The following RUNDC3B variants were observed in gnomAD, a reference collection of about 807,000 sequenced individuals.
The protein encoded by RUNDC3B is RUN domain-containing protein 3B.
Under a neutral mutation model 58.4 loss-of-function variants are expected in RUNDC3B, and 33 were observed. The observed-to-expected ratio is 0.56, with a 90% confidence interval of 0.43 to 0.75. The LOEUF (loss-of-function observed/expected upper bound fraction) is 0.75. Ranked by LOEUF, RUNDC3B falls within the 30% of genes least tolerant of loss-of-function variation. The probability of loss-of-function intolerance (pLI) is 0.00; values close to 1 mark genes in which losing one functional copy is unlikely to be tolerated. For synonymous variants in RUNDC3B, 193 were observed against 195.2 expected (o/e 0.99, Z 0.10); for missense variants, 501 against 535.7 (o/e 0.94, Z 0.64).
At position 87,830,470 on chromosome 7, in the gene RUNDC3B, T is replaced by C. The variant is rs1838074054; in HGVS notation, c.*440T>C. 1 of 152,126 alleles carries C rather than the reference T, an allele frequency of 6.6e-6. No homozygotes were observed. The highest frequency in any genetic ancestry group is 6.6e-5 in the Admixed American group (1 of 15,196). The allele number at this position is 152,126 out of a possible 1,614,324, so 9.4% of individuals were successfully genotyped here. ...AAAAAAAAAAAAAAAGTTAATTTCA[T>C]TTTTTCATTAATGTCTTCCTAAGTT... On this transcript the variant is annotated 3_prime_UTR_variant, in exon 11 of 11. Transcript: ENST00000394654.
intron 1 of RUNDC3B, among the ~76,000 whole-genome samples, chr7:87,649,026 G>C (rs1389736725): frequency 6.6e-6 from 1 of 151,770 alleles, no homozygotes. Flanking sequence ...AAAAAAGCTT[G>C]TACTCTTTTA....
At chr7:87,795,350 A>G (rs1220587724) in intron 8 of RUNDC3B, among the ~76,000 whole-genome samples, 1 of 152,202 alleles carries the variant, frequency 6.6e-6, no homozygotes, top group Non-Finnish European at 1.5e-5. Context: ...AAGAAGACAA[A>G]CAAATGGCAA....
intron 9 of RUNDC3B, among the ~76,000 whole-genome samples, chr7:87,815,221 G>A (rs1836964226): frequency 6.6e-6 from 1 of 151,994 alleles, no homozygotes; most frequent in Admixed American, 6.5e-5. Flanking sequence ...TGTGACTAGA[G>A]ATAACTGTGA....
intron 1 of RUNDC3B, among the ~76,000 whole-genome samples, chr7:87,630,197 A>G (rs1821073314): frequency 6.6e-6 from 1 of 152,116 alleles, no homozygotes; most frequent in Non-Finnish European, 1.5e-5. Context: ...TTTTTCCGTT[A>G]TTTTTCTTGT....
chr7:87,702,257 G>A lies in RUNDC3B; in HGVS notation c.372+1703G>A, dbSNP rs539664767. 6.0e-5 allele frequency among the ~76,000 whole-genome samples: 9 copies of A among 150,228 alleles called. No individual in the cohort carries two copies. In the South Asian group the frequency reaches 1.9e-3, roughly 32 times the overall value. On this transcript the variant is annotated intron_variant, in intron 3 of 10. Coordinates refer to ENST00000394654, the MANE Select transcript of RUNDC3B (RefSeq NM_001134405.2). ...TGTTATTTATGTTAACAGGTAATGG[G>A]TTTATTGTTTTATTTTATTTTATTT...
chr7:87,762,747 G>A (rs1833763582), intron 6 of RUNDC3B, among the ~76,000 whole-genome samples: 1 of 151,240 alleles, frequency 6.6e-6, no homozygotes, highest in South Asian at 2.1e-4. Context: ...TCAATTACAA[G>A]CTGTACTATG....
chr7:87,720,538 A>C (rs1382087389), intron 4 of RUNDC3B, among the ~76,000 whole-genome samples: 1 of 98,044 alleles, frequency 1.0e-5, no homozygotes, highest in Admixed American at 1.2e-4. Flanking sequence ...AGAAGATAGG[A>C]TATATGTGTG....
intron 4 of RUNDC3B, among the ~76,000 whole-genome samples, chr7:87,733,018 A>G (rs766304192): frequency 6.6e-6 from 1 of 152,230 alleles, no homozygotes; most frequent in Non-Finnish European, 1.5e-5. Context: ...GAAGCTAGAC[A>G]ACCGGTTAGA....
intron 4 of RUNDC3B, among the ~76,000 whole-genome samples, chr7:87,721,445 A>G (rs1328190197): frequency 2.0e-5 from 3 of 152,112 alleles, no homozygotes; most frequent in Non-Finnish European, 4.4e-5. Flanking sequence ...AAAATAATCA[A>G]TAATTATGGC....
intron 6 of RUNDC3B, among the ~76,000 whole-genome samples, chr7:87,747,961 C>T (rs1832742363): frequency 6.6e-6 from 1 of 152,124 alleles, no homozygotes; most frequent in African/African-American, 2.4e-5. Flanking sequence ...GGAGTCTGCA[C>T]ACTGGATTTG....
At chr7:87,730,292 T>C (rs1162421210) in intron 4 of RUNDC3B, among the ~76,000 whole-genome samples, 1 of 151,856 alleles carries the variant, frequency 6.6e-6, no homozygotes. Context: ...GGTCCCCAGT[T>C]CTAGGCCCTG....
intron 1 of RUNDC3B, among the ~76,000 whole-genome samples, chr7:87,645,901 G>C (rs1188317150): frequency 1.3e-5 from 2 of 152,156 alleles, no homozygotes; most frequent in Non-Finnish European, 2.9e-5. Flanking sequence ...TTGTGTTGGA[G>C]GGAGGAGAGC....
chr7:87,796,978 GTC>G (rs1184830407), intron 8 of RUNDC3B, among the ~76,000 whole-genome samples: 2 of 152,120 alleles, frequency 1.3e-5, no homozygotes, highest in Admixed American at 6.5e-5. Flanking sequence ...ACAATTATTA[GTC>G]TAAAAGCTAA....
chr7:87,828,891 C>T (rs1283274379), intron 10 of RUNDC3B, among the ~76,000 whole-genome samples: 1 of 152,114 alleles, frequency 6.6e-6, no homozygotes, highest in Non-Finnish European at 1.5e-5. Flanking sequence ...AAGAAAGCAG[C>T]GTAGCAACCC....
intron 8 of RUNDC3B, among the ~76,000 whole-genome samples, chr7:87,791,528 G>T (rs555457342): frequency 7.1e-4 from 108 of 152,116 alleles, no homozygotes; most frequent in South Asian, 1.7e-3. Flanking sequence ...TCAAGACATA[G>T]TACAGTAAGA....
At chr7:87,655,487 A>G (rs571587471) in intron 2 of RUNDC3B, among the ~76,000 whole-genome samples, 13 of 152,190 alleles carry the variant, frequency 8.5e-5, no homozygotes, top group Non-Finnish European at 1.8e-4. Flanking sequence ...CAAATACTGC[A>G]TGACTTCCTT....
rs564913013 is a variant in RUNDC3B at position 87,664,900 on chromosome 7, C to A, written c.238+13963C>A. On this transcript the variant is annotated intron_variant, in intron 2 of 10. Coordinates refer to ENST00000394654, the MANE Select transcript of RUNDC3B (RefSeq NM_001134405.2). ...TAGCAAAGCATTTCACAAAATTTAA[C>A]ATCCTTTCTTAATAAAAATTCTCAA... 7.9e-5 allele frequency among the ~76,000 whole-genome samples: 12 copies of A among 152,246 alleles called. 1 individual carries two copies. The South Asian group carries it at 2.5e-3, about 32-fold the overall frequency.
At chr7:87,630,421 G>A (rs764057386) in intron 1 of RUNDC3B, among the ~76,000 whole-genome samples, 16 of 152,104 alleles carry the variant, frequency 1.1e-4, no homozygotes, top group Non-Finnish European at 1.8e-4. Flanking sequence ...TTAATTTGCC[G>A]TTTGTGCTGT....
chr7:87,711,136 G>A (rs1830042572), intron 4 of RUNDC3B, among the ~76,000 whole-genome samples: 1 of 152,006 alleles, frequency 6.6e-6, no homozygotes, highest in African/African-American at 2.4e-5. Flanking sequence ...AGACCAGCCT[G>A]ACCAACATGG....
Sources: allele counts gnomAD v4.1 joint callset (sites outside exome capture counted in the v4.1 genomes callset), GRCh38; gene constraint gnomAD v4.1.1; transcripts MANE v1.5; gene names NCBI Gene and HGNC (gene_info 2026-07-23, HGNC 2026-07-21).